The following OPCML variants were observed in gnomAD, a reference collection of about 807,000 sequenced individuals.
OPCML encodes opioid-binding protein/cell adhesion molecule.
Under a neutral mutation model 37.8 loss-of-function variants are expected in OPCML, and 13 were observed. The observed-to-expected ratio is 0.34, with a 90% CI of 0.22 to 0.55. The LOEUF (loss-of-function observed/expected upper bound fraction) is 0.55, where lower values mean the gene tolerates loss of function less well. Among genes scored for constraint, OPCML ranks in the 20% least tolerant of loss-of-function variants. The pLI, the probability that OPCML is intolerant of heterozygous loss-of-function variation, is 0.91. For synonymous variants in OPCML, 176 were observed against 168.8 expected, an observed-to-expected ratio of 1.04 and a Z score of -0.33; for missense variants, 341 against 435.6, an observed-to-expected ratio of 0.78 and a Z score of 1.93.
chr11:133,243,004 C>A (rs1041874075), intron 1 of OPCML, among the ~76,000 whole-genome samples: 1 of 152,164 alleles, frequency 6.6e-6, no homozygotes, highest in African/African-American at 2.4e-5. Flanking sequence ...TGCTTTCTGT[C>A]TCTGTTTGGT....
intron 2 of OPCML, among the ~76,000 whole-genome samples, chr11:132,908,387 T>G (rs1944315800): frequency 6.6e-6 from 1 of 152,232 alleles, no homozygotes; most frequent in African/African-American, 2.4e-5. Flanking sequence ...ATTAATTAGC[T>G]GTTTAACTCT....
At chr11:133,006,225 G>A in intron 1 of OPCML, 1 of 680,414 alleles carries the variant, frequency 1.5e-6, no homozygotes, top group South Asian at 6.6e-5. Context: ...TCGTCTTCCT[G>A]CGTGGAACCT....
chr11:132,625,362 G>A (rs1939675073), intron 3 of OPCML, among the ~76,000 whole-genome samples: 1 of 152,130 alleles, frequency 6.6e-6, no homozygotes, highest in African/African-American at 2.4e-5. Context: ...AGCAGTCCAT[G>A]ATCTGAGTGG....
intron 2 of OPCML, among the ~76,000 whole-genome samples, chr11:132,706,145 C>T (rs1944026769): frequency 6.6e-6 from 1 of 152,078 alleles, no homozygotes; most frequent in Admixed American, 6.5e-5. Context: ...CGACCTAATA[C>T]AAGGGGGAGC....
At chr11:133,375,361 G>T (rs1303233335) in intron 1 of OPCML, among the ~76,000 whole-genome samples, 1 of 152,220 alleles carries the variant, frequency 6.6e-6, no homozygotes, top group Non-Finnish European at 1.5e-5. Context: ...ACCATGCCTT[G>T]CAGACCACGT....
chr11:133,037,800 T>C (rs544249105), intron 1 of OPCML, among the ~76,000 whole-genome samples: 3 of 152,254 alleles, frequency 2.0e-5, no homozygotes, highest in African/African-American at 7.2e-5. Flanking sequence ...AAACTCTCCA[T>C]AGGCAGAAAA....
chr11:133,170,796 A>C (rs1464289536), intron 1 of OPCML, among the ~76,000 whole-genome samples: 1 of 152,240 alleles, frequency 6.6e-6, no homozygotes, highest in Non-Finnish European at 1.5e-5. Context: ...ACCTGGAGCC[A>C]CAGCCCTCTC....
intron 1 of OPCML, chr11:133,421,215 C>T (rs1945879359): frequency 1.0e-6 from 1 of 985,068 alleles, no homozygotes; most frequent in South Asian, 4.7e-5. Flanking sequence ...CAATGCGTTC[C>T]AAGAAGCAAG....
intron 7 of OPCML, among the ~76,000 whole-genome samples, chr11:132,422,813 C>G (rs1002867545): frequency 3.0e-4 from 45 of 152,314 alleles, no homozygotes; most frequent in African/African-American, 1.0e-3. Context: ...TCTACTTCCT[C>G]TCTGTAGAAA....
chr11:133,101,314 T>A (rs1298029603), intron 1 of OPCML, among the ~76,000 whole-genome samples: 1 of 152,188 alleles, frequency 6.6e-6, no homozygotes, highest in Non-Finnish European at 1.5e-5. Flanking sequence ...TAAAAACTTA[T>A]ACTCTTGACT....
At chr11:132,631,541 G>T (rs1940125298) in intron 3 of OPCML, among the ~76,000 whole-genome samples, 1 of 150,704 alleles carries the variant, frequency 6.6e-6, no homozygotes, top group South Asian at 2.1e-4. Flanking sequence ...CTCACTGCAA[G>T]CTCCGCCTCC....
At chr11:132,923,874 C>T (rs1278205557) in intron 2 of OPCML, among the ~76,000 whole-genome samples, 1 of 149,478 alleles carries the variant, frequency 6.7e-6, no homozygotes, top group Non-Finnish European at 1.5e-5. Flanking sequence ...AGCAATTCTC[C>T]TTCCTCAGCC....
rs539669981 is a variant in OPCML at position 133,500,442 on chromosome 11, A to T, written c.61+31822T>A. Among the ~76,000 whole-genome samples the T allele has an allele frequency of 2.0e-5, 3 of 152,188 alleles. No homozygotes were observed. In the East Asian group the frequency reaches 5.8e-4, roughly 29 times the overall value. ...ATTAAAAACAGAGGGTGTTTTGCAT[A>T]TTTAAATACTCCAATGTCATTTCAC... On this transcript the variant is annotated intron_variant, in intron 1 of 7. Transcript: ENST00000524381.
intron 1 of OPCML, among the ~76,000 whole-genome samples, chr11:133,513,622 G>A (rs73025693): frequency 0.1 from 15,592 of 152,158 alleles, 1,576 homozygotes; most frequent in African/African-American, 0.26. Context: ...TTTTGTTAAC[G>A]TGTTTACAGA....
intron 4 of OPCML, among the ~76,000 whole-genome samples, chr11:132,513,660 C>G (rs1167706150): frequency 6.6e-6 from 1 of 152,090 alleles, no homozygotes; most frequent in Non-Finnish European, 1.5e-5. Context: ...TCTACCTCAC[C>G]CATTTCATTT....
intron 1 of OPCML, chr11:133,118,296 A>G: frequency 3.0e-6 from 3 of 985,394 alleles, no homozygotes; most frequent in African/African-American, 3.5e-5. Context: ...GGAGGCCTCT[A>G]TGAAGAAAAT....
At chr11:133,341,478 C>T (rs941719450) in intron 1 of OPCML, among the ~76,000 whole-genome samples, 2 of 152,308 alleles carry the variant, frequency 1.3e-5, no homozygotes, top group Middle Eastern at 6.8e-3. Context: ...ATGCTGTTTT[C>T]CCTCCACCCA....
chr11:132,732,306 G>C (rs1213297801), intron 2 of OPCML, among the ~76,000 whole-genome samples: 2 of 152,194 alleles, frequency 1.3e-5, no homozygotes, highest in African/African-American at 4.8e-5. Flanking sequence ...CACCTAAGTG[G>C]GGGATAAATG....
intron 1 of OPCML, among the ~76,000 whole-genome samples, chr11:133,371,888 A>G (rs1047607359): frequency 3.3e-5 from 5 of 152,214 alleles, no homozygotes; most frequent in South Asian, 4.1e-4. Flanking sequence ...GATGGAACTG[A>G]AGATCGGCAT....
Sources: gnomAD v4.1 joint callset for allele counts (sites outside exome capture counted in the v4.1 genomes callset) on GRCh38, gnomAD v4.1.1 for gene constraint, MANE v1.5 for transcripts, NCBI Gene and HGNC (gene_info 2026-07-23, HGNC 2026-07-21) for gene names.